Variants in CSTPP1 observed in about 807,000 individuals in gnomAD.
CSTPP1 encodes centriolar satellite-associated tubulin polyglutamylase complex regulator 1.
chr11:47,031,729 T>TA, the CSTPP1 span, among the ~76,000 whole-genome samples: 5 of 148,868 alleles, frequency 3.4e-5, no homozygotes, highest in South Asian at 6.4e-4. Context: ...AGAGATCTCT[T>TA]AAAAAAAAAT....
At chr11:47,090,762 G>A in the CSTPP1 span, among the ~76,000 whole-genome samples, 3 of 152,138 alleles carry the variant, frequency 2.0e-5, no homozygotes, top group Admixed American at 1.3e-4. Context: ...ATTGAGGGCC[G>A]GGCACGGAGG....
At chr11:47,027,922 T>C in the CSTPP1 span, among the ~76,000 whole-genome samples, 20 of 89,508 alleles carry the variant, frequency 2.2e-4, no homozygotes, top group African/African-American at 9.5e-4. Context: ...TTTTCTTTTT[T>C]TTTTCTTTTT....
At chr11:46,970,979 T>C in the CSTPP1 span, among the ~76,000 whole-genome samples, 1 of 152,188 alleles carries the variant, frequency 6.6e-6, no homozygotes, top group Admixed American at 6.5e-5. Flanking sequence ...GTACATGAAG[T>C]ATTAAGTGAA....
the CSTPP1 span, among the ~76,000 whole-genome samples, chr11:47,084,361 C>T: frequency 6.6e-6 from 1 of 152,024 alleles, no homozygotes; most frequent in Non-Finnish European, 1.5e-5. Flanking sequence ...TTATTTATTT[C>T]CTTAGTGATG....
At chr11:47,087,191 T>A in the CSTPP1 span, among the ~76,000 whole-genome samples, 2 of 152,180 alleles carry the variant, frequency 1.3e-5, no homozygotes, top group Admixed American at 1.3e-4. Flanking sequence ...AGAGCATTGA[T>A]AGCAGGCTAA....
At chr11:47,118,035 A>C in the CSTPP1 span, among the ~76,000 whole-genome samples, 52 of 151,784 alleles carry the variant, frequency 3.4e-4, no homozygotes, top group East Asian at 9.7e-3. Flanking sequence ...GCCTGCCACC[A>C]CGCCCAGCTA....
chr11:47,040,411 C>G, the CSTPP1 span, among the ~76,000 whole-genome samples: 6 of 126,906 alleles, frequency 4.7e-5, 2 homozygotes, highest in Non-Finnish European at 9.4e-5. Flanking sequence ...TCTACACCCA[C>G]CAGGAGAATA....
the CSTPP1 span, among the ~76,000 whole-genome samples, chr11:46,978,899 A>T: frequency 1.3e-5 from 2 of 152,196 alleles, no homozygotes; most frequent in Non-Finnish European, 2.9e-5. Context: ...ATTAGAAAAA[A>T]TGAGATCCTG....
At chr11:46,998,296 A>G in the CSTPP1 span, among the ~76,000 whole-genome samples, 1 of 152,174 alleles carries the variant, frequency 6.6e-6, no homozygotes, top group Non-Finnish European at 1.5e-5. Flanking sequence ...CTGTGTAGCC[A>G]ATGCTGAGCT....
chr11:47,032,163 T>C, the CSTPP1 span, among the ~76,000 whole-genome samples: 1 of 152,106 alleles, frequency 6.6e-6, no homozygotes, highest in Admixed American at 6.5e-5. Flanking sequence ...CTTCAATCAG[T>C]TTGACACTCA....
the CSTPP1 span, among the ~76,000 whole-genome samples, chr11:47,034,822 A>G: frequency 6.6e-6 from 1 of 152,138 alleles, no homozygotes; most frequent in Non-Finnish European, 1.5e-5. Flanking sequence ...TCTTAATGGC[A>G]TCTGGAAACT....
chr11:47,072,114 C>T, the CSTPP1 span, among the ~76,000 whole-genome samples: 1 of 152,194 alleles, frequency 6.6e-6, no homozygotes, highest in Non-Finnish European at 1.5e-5. Context: ...CCTTAATTTC[C>T]TCACCCTTCA....
At chr11:47,036,718 C>T in the CSTPP1 span, among the ~76,000 whole-genome samples, 1 of 127,648 alleles carries the variant, frequency 7.8e-6, no homozygotes, top group African/African-American at 2.5e-5. Flanking sequence ...TTCTCTGTCA[C>T]CCAGGCTGGA....
the CSTPP1 span, among the ~76,000 whole-genome samples, chr11:47,075,004 A>G: frequency 6.6e-6 from 1 of 152,236 alleles, no homozygotes; most frequent in Non-Finnish European, 1.5e-5. Context: ...ATGGACATGT[A>G]AATAGTTATA....
chr11:47,164,197 T>G, the CSTPP1 span: 1 of 1,612,918 alleles, frequency 6.2e-7, no homozygotes, highest in African/African-American at 1.3e-5. Flanking sequence ...CTGGAGAGAG[T>G]GTCCTCAGCT....
At chr11:47,038,730 T>A in the CSTPP1 span, among the ~76,000 whole-genome samples, 8 of 122,444 alleles carry the variant, frequency 6.5e-5, no homozygotes, top group African/African-American at 2.0e-4. Context: ...GCAGAGACGC[T>A]CCTCACTTCC....
At chr11:47,039,101 G>T in the CSTPP1 span, among the ~76,000 whole-genome samples, 2 of 126,764 alleles carry the variant, frequency 1.6e-5, no homozygotes, top group Non-Finnish European at 3.8e-5. Flanking sequence ...CAGACGGGGT[G>T]GCGGCCGGGC....
chr11:46,953,235 G>A, the CSTPP1 span, among the ~76,000 whole-genome samples: 2 of 152,142 alleles, frequency 1.3e-5, no homozygotes, highest in Non-Finnish European at 2.9e-5. Flanking sequence ...GGGTGAAGGC[G>A]TTGAGAATAG....
the CSTPP1 span, among the ~76,000 whole-genome samples, chr11:47,027,927 C>CTTTTTTTTTTTT: frequency 2.2e-5 from 3 of 134,068 alleles, no homozygotes; most frequent in Admixed American, 7.8e-5. Flanking sequence ...TTTTTTTTTT[C>CTTTTTTTTTTTT]TTTTTTTTTT....
Sources: allele counts gnomAD v4.1 joint callset (sites outside exome capture counted in the v4.1 genomes callset), GRCh38; gene constraint gnomAD v4.1.1; transcripts MANE v1.5; gene names NCBI Gene and HGNC (gene_info 2026-07-23, HGNC 2026-07-21).